Variants in VIPR2 observed in about 807,000 individuals in gnomAD.
VIPR2 encodes vasoactive intestinal peptide receptor 2, also known as vasoactive intestinal polypeptide receptor 2.
VIPR2 carries 48 observed loss-of-function variants against 58.0 expected under a neutral mutation model. The ratio of observed to expected loss-of-function variants is 0.83; its 90% CI spans 0.66 to 1.05. The LOEUF (loss-of-function observed/expected upper bound fraction) is 1.05, where lower values mean the gene tolerates loss of function less well. VIPR2 is among the 50% of genes least tolerant of loss of function. The pLI, the probability that VIPR2 is intolerant of heterozygous loss-of-function variation, is 0.00. For missense variants in VIPR2, 534 were observed against 558.0 expected (o/e 0.96, Z 0.43); for synonymous variants, 243 against 235.2 (o/e 1.03, Z -0.30).
chr7:159,034,381 C>T, intron 9 of VIPR2, 77 bp from the exon 10 acceptor site: 1 of 1,425,358 alleles, frequency 7.0e-7, no homozygotes, highest in Non-Finnish European at 9.7e-7. Flanking sequence ...GATTTCGACC[C>T]TCCCCTCCGC....
Position 159,034,309 on chromosome 7 carries a change from A to G in VIPR2, c.880-5T>C, listed in dbSNP as rs1442314153. The stretch of plus-strand genomic sequence containing the variant: ...AATGAAAAGGACAAAATTGACCTGC[A>G]CAAGAGATAATAAGTTTGTGAAACA... On this transcript the variant is annotated splice_region_variant and splice_polypyrimidine_tract_variant and intron_variant, in intron 9 of 12. Transcript: ENST00000262178. 6.2e-7 allele frequency: 1 copy of G among 1,613,324 alleles called. No individual in the cohort carries two copies.
At chr7:159,034,392 T>TC in intron 9 of VIPR2, 88 bp from the exon 10 acceptor site, 1 of 1,369,534 alleles carries the variant, frequency 7.3e-7, no homozygotes, top group Non-Finnish European at 1.0e-6. Context: ...TCCCCTCCGC[T>TC]CCCTCAGTCC....
intron 4 of VIPR2, among the ~76,000 whole-genome samples, chr7:159,102,689 C>T (rs550661516): frequency 2.0e-5 from 3 of 152,284 alleles, no homozygotes; most frequent in African/African-American, 4.8e-5. Context: ...CCCTGGGGGC[C>T]CAGAGGGCAG....
At chr7:159,075,614 G>A (rs1204972264) in intron 4 of VIPR2, among the ~76,000 whole-genome samples, 2 of 151,608 alleles carry the variant, frequency 1.3e-5, no homozygotes, top group East Asian at 2.0e-4. Flanking sequence ...TGGCACCCAC[G>A]GACCTGCCAC....
intron 2 of VIPR2, among the ~76,000 whole-genome samples, chr7:159,119,340 A>C (rs1452217769): frequency 6.6e-6 from 1 of 152,184 alleles, no homozygotes; most frequent in East Asian, 1.9e-4. Flanking sequence ...GATCACAAGC[A>C]CCGCAAGGTA....
intron 4 of VIPR2, among the ~76,000 whole-genome samples, chr7:159,079,839 C>T (rs956613906): frequency 2.0e-5 from 3 of 152,156 alleles, no homozygotes. Flanking sequence ...CTATAAACAC[C>T]GCTACGCAAA....
rs1853618705 is a variant in VIPR2 at position 159,031,966 on chromosome 7, A to G, written c.1073T>C (p.Leu358Pro). The G allele has an allele frequency of 6.2e-7, 1 of 1,614,176 alleles. No individual in the cohort carries two copies. The highest frequency in any genetic ancestry group is 8.5e-7 in the Non-Finnish European group (1 of 1,180,036). The change falls in exon 11 of 13, where the codon CTG (leucine) becomes CCG (proline). Residue 358 changes from leucine to proline, a missense_variant. Around this residue, in one of 3 missense-constraint regions of VIPR2, gnomAD observed 306 missense variants for 285.8 expected, o/e 1.07. Transcript: ENST00000262178. The surrounding 1 kb of genome is among the most constrained non-coding windows in gnomAD (Gnocchi z 4.0). ...GAACGACCCGAGGCACAGCTCAAAC[A>G]GTATCTGGTATTTGGAGGAGATGCT... ...PISISSKYQI[L>P]FELCLGSFQG...
intron 4 of VIPR2, among the ~76,000 whole-genome samples, chr7:159,101,811 TCCC>T (rs1339130137): frequency 1.0e-4 from 13 of 129,120 alleles, no homozygotes; most frequent in Non-Finnish European, 1.9e-4. Flanking sequence ...ACGAGGCCGT[TCCC>T]CCGACCGTTC....
At chr7:159,144,542 A>G in intron 1 of VIPR2, 179 bp downstream of exon 1, 1 of 1,500,354 alleles carries the variant, frequency 6.7e-7, no homozygotes, top group Admixed American at 2.1e-5. Flanking sequence ...ACCGGAGCTC[A>G]GCGCTTCACG....
chr7:159,066,307 C>T (rs796297059), intron 4 of VIPR2, among the ~76,000 whole-genome samples: 3 of 151,222 alleles, frequency 2.0e-5, no homozygotes, highest in African/African-American at 7.3e-5. Flanking sequence ...CCGCGGCGTC[C>T]GTGGATTCCA....
At chr7:159,115,587 A>C (rs2129496589) in intron 2 of VIPR2, among the ~76,000 whole-genome samples, 1 of 152,354 alleles carries the variant, frequency 6.6e-6, no homozygotes, top group East Asian at 1.9e-4. Flanking sequence ...ACAGGACTTC[A>C]ATCTGTCTGC....
At chr7:159,119,895 G>T (rs112782245) in intron 2 of VIPR2, among the ~76,000 whole-genome samples, 1 of 147,334 alleles carries the variant, frequency 6.8e-6, no homozygotes, top group Non-Finnish European at 1.5e-5. Flanking sequence ...TGGAAGAAAC[G>T]CCTGTCCCCT....
intron 4 of VIPR2, among the ~76,000 whole-genome samples, chr7:159,083,607 G>A (rs758438122): frequency 9.9e-5 from 15 of 152,174 alleles, no homozygotes; most frequent in Non-Finnish European, 1.9e-4. Context: ...CCCACTAGCC[G>A]GGCCAGGCCT....
At chr7:159,117,193 C>T in intron 2 of VIPR2, 1 of 646,792 alleles carries the variant, frequency 1.5e-6, no homozygotes, top group South Asian at 1.8e-5. Context: ...GCTTCTGGGT[C>T]ACTGCCCTTT....
At chr7:159,074,331 T>C (rs542825202) in intron 4 of VIPR2, among the ~76,000 whole-genome samples, 41 of 152,322 alleles carry the variant, frequency 2.7e-4, no homozygotes, top group African/African-American at 8.9e-4. Flanking sequence ...GACAGACCCA[T>C]TTCTGTGTGA....
At chr7:159,124,854 C>A (rs757364506) in intron 2 of VIPR2, among the ~76,000 whole-genome samples, 1 of 152,086 alleles carries the variant, frequency 6.6e-6, no homozygotes, top group Non-Finnish European at 1.5e-5. Flanking sequence ...CTTTCACCTC[C>A]CTGGTTAGCT....
Position 159,096,904 on chromosome 7 carries a change from G to A in VIPR2, c.357+6853C>T, listed in dbSNP as rs533811103. 9.1e-4 allele frequency: 1,411 copies of A among 1,550,550 alleles called. 15 individuals are homozygous for A. Among genetic ancestry groups the A allele is most frequent in the African/African-American group, 9.0e-3 (660 of 73,146 alleles). Reference sequence around the variant, plus strand: ...TCTCTGTGGCCGCCTTGCTGTCCCCGTTCCCATCACTCGATGAGCCAATGC... The same window carrying A: ...TCTCTGTGGCCGCCTTGCTGTCCCCATTCCCATCACTCGATGAGCCAATGC... On this transcript the variant is annotated intron_variant, in intron 4 of 12. Coordinates refer to ENST00000262178, the MANE Select transcript of VIPR2 (RefSeq NM_003382.5). The surrounding 1 kb of genome is among the most constrained non-coding windows in gnomAD (Gnocchi z 5.5).
Position 159,034,200 on chromosome 7 carries a change from G to A in VIPR2, c.971+13C>T, listed in dbSNP as rs571423281. 1.8e-4 allele frequency: 284 copies of A among 1,613,446 alleles called. 4 individuals are homozygous for A. In the South Asian group the frequency reaches 3.0e-3, roughly 17 times the overall value. Reference sequence around the variant, plus strand: ...TCCCCATCAGGGACGGCCAGGCCGGGACACACACTCACTTGTACTGAGACT... The same window carrying A: ...TCCCCATCAGGGACGGCCAGGCCGGAACACACACTCACTTGTACTGAGACT... On this transcript the variant is annotated intron_variant, in intron 10 of 12. Coordinates refer to ENST00000262178, the MANE Select transcript of VIPR2 (RefSeq NM_003382.5).
At chr7:159,046,297 A>G (rs529807274) in intron 5 of VIPR2, among the ~76,000 whole-genome samples, 3 of 152,328 alleles carry the variant, frequency 2.0e-5, no homozygotes, top group Admixed American at 6.5e-5. Flanking sequence ...ACAACAGGCA[A>G]ATGGTGAAAC....
Sources: allele counts gnomAD v4.1 joint callset (sites outside exome capture counted in the v4.1 genomes callset), GRCh38; gene constraint gnomAD v4.1.1; regional missense constraint gnomAD v4.1.1; non-coding constraint Gnocchi (gnomAD v3.1); transcripts MANE v1.5; gene names NCBI Gene and HGNC (gene_info 2026-07-23, HGNC 2026-07-21).